CADPS2: variants seen among roughly 807,000 people sequenced by gnomAD.
CADPS2 encodes calcium dependent secretion activator 2.
Under a neutral mutation model 172.5 loss-of-function variants are expected in CADPS2, and 93 were observed. That is an observed-to-expected ratio of 0.54 (90% CI 0.46 to 0.64). The LOEUF (loss-of-function observed/expected upper bound fraction) is 0.64. Ranked by LOEUF, CADPS2 falls within the 30% of genes least tolerant of loss-of-function variation. CADPS2 has a pLI of 0.00. For synonymous variants in CADPS2, 546 were observed against 555.2 expected, an observed-to-expected ratio of 0.98 and a Z score of 0.23; for missense variants, 1,420 against 1,565.9, an observed-to-expected ratio of 0.91 and a Z score of 1.57.
chr7:122,625,236 G>A (rs1045642155), intron 4 of CADPS2, among the ~76,000 whole-genome samples: 4 of 151,932 alleles, frequency 2.6e-5, no homozygotes, highest in African/African-American at 9.7e-5. Flanking sequence ...TTTTAGTAGA[G>A]ACGGGGTTTC....
At chr7:122,346,366 TCAAA>T (rs986057564) in intron 27 of CADPS2, among the ~76,000 whole-genome samples, 7 of 152,136 alleles carry the variant, frequency 4.6e-5, no homozygotes, top group African/African-American at 1.4e-4. Context: ...AGACCCTGTC[TCAAA>T]CAAACAAATG....
chr7:122,737,318 G>A (rs912693870), intron 1 of CADPS2, among the ~76,000 whole-genome samples: 4 of 152,196 alleles, frequency 2.6e-5, no homozygotes, highest in South Asian at 4.1e-4. Flanking sequence ...TCCACCTCCC[G>A]GGTTCAAGCG....
intron 1 of CADPS2, among the ~76,000 whole-genome samples, chr7:122,823,919 A>G (rs1476720218): frequency 1.3e-5 from 2 of 152,000 alleles, no homozygotes; most frequent in Admixed American, 6.6e-5. Flanking sequence ...AAAAAAGCTC[A>G]CTGGGAGTTC....
intron 14 of CADPS2, among the ~76,000 whole-genome samples, chr7:122,469,093 T>G (rs1246418780): frequency 6.6e-6 from 1 of 152,152 alleles, no homozygotes; most frequent in Non-Finnish European, 1.5e-5. Flanking sequence ...AGTATCGTTA[T>G]AAAGAAAACA....
chr7:122,736,969 G>C lies in CADPS2; in HGVS notation c.439C>G (p.Arg147Gly), dbSNP rs753686489. The C allele has an allele frequency of 8.1e-6, 13 of 1,602,924 alleles. No individual in the cohort carries two copies. Among genetic ancestry groups the C allele is most frequent in the Non-Finnish European group, 1.1e-5 (13 of 1,170,254 alleles). Reference sequence around the variant, plus strand: ...TTCAAACTTACCTCATAATAACTCCGAACTGCGTTGCAAAATGCTTCGTCA... The same window carrying C: ...TTCAAACTTACCTCATAATAACTCCCAACTGCGTTGCAAAATGCTTCGTCA... ...VADEAFCNAV[R>G]SYYEVFLKSD... is the part of the protein sequence containing the mutation. Residue 147 changes from arginine (R) to glycine (G), a missense_variant, in exon 2 of 30, where the codon CGG becomes GGG. Physicochemically the swap from Arg to Gly is moderately radical, Grantham distance 125. Transcript: ENST00000449022.
At chr7:122,597,468 G>A (rs760121261) in intron 6 of CADPS2, among the ~76,000 whole-genome samples, 18 of 151,988 alleles carry the variant, frequency 1.2e-4, no homozygotes, top group Non-Finnish European at 2.4e-4. Flanking sequence ...TTAGCAGGTG[G>A]GACCTCTGCA....
chr7:122,842,167 G>A (rs546007035), intron 1 of CADPS2, among the ~76,000 whole-genome samples: 4 of 152,184 alleles, frequency 2.6e-5, no homozygotes, highest in Non-Finnish European at 5.9e-5. Context: ...CCCCTGCAAG[G>A]GAAGAGCCAG....
intron 11 of CADPS2, among the ~76,000 whole-genome samples, chr7:122,489,765 G>T (rs1013590393): frequency 6.6e-6 from 1 of 152,058 alleles, no homozygotes; most frequent in African/African-American, 2.4e-5. Context: ...ATCTATAGGA[G>T]ACTTAAGTCA....
At chr7:122,417,916 C>A (rs2048111417) in intron 17 of CADPS2, among the ~76,000 whole-genome samples, 1 of 152,030 alleles carries the variant, frequency 6.6e-6, no homozygotes, top group Non-Finnish European at 1.5e-5. Flanking sequence ...TAATAACAAC[C>A]ATTAGAAATG....
intron 28 of CADPS2, among the ~76,000 whole-genome samples, chr7:122,342,135 A>C (rs999245716): frequency 6.6e-6 from 1 of 152,188 alleles, no homozygotes; most frequent in Admixed American, 6.5e-5. Context: ...CTTTAAGGTA[A>C]TGCAGATTTT....
chr7:122,630,452 C>A (rs574991354), intron 3 of CADPS2, among the ~76,000 whole-genome samples: 1 of 151,828 alleles, frequency 6.6e-6, no homozygotes, highest in South Asian at 2.1e-4. Flanking sequence ...AAACTAGACA[C>A]ACACAGTGGT....
chr7:122,377,710 TC>T (rs1348813569), intron 25 of CADPS2, among the ~76,000 whole-genome samples: 1 of 152,130 alleles, frequency 6.6e-6, no homozygotes, highest in African/African-American at 2.4e-5. Flanking sequence ...AACTTGATTC[TC>T]CAGTAGTTCA....
rs2033193694 is a variant in CADPS2 at position 122,323,876 on chromosome 7, TATATATATATATA to T, written c.3717+1588_3717+1600del. Among the ~76,000 whole-genome samples the T allele has an allele frequency of 3.2e-3, 56 of 17,776 alleles. 1 individual carries two copies. In the South Asian group the frequency reaches 0.062, roughly 20 times the overall value. The allele number at this position is 17,776 out of a possible 152,430, so 11.7% of individuals were successfully genotyped here. On this transcript the variant is annotated intron_variant, in intron 29 of 29. Coordinates refer to ENST00000449022, the MANE Select transcript of CADPS2 (RefSeq NM_017954.11). ...ATATTATATACATATGTATATTTTATATATATATATATATATATATATATATATATATATATAT... is the reference window on the plus strand; with the variant it reads ...ATATTATATACATATGTATATTTTATTATATATATATATATATATATATAT...
chr7:122,448,561 T>C (rs934867358), intron 15 of CADPS2, among the ~76,000 whole-genome samples: 1 of 152,164 alleles, frequency 6.6e-6, no homozygotes, highest in Non-Finnish European at 1.5e-5. Flanking sequence ...ACAAAATGAA[T>C]ACAATAAATG....
intron 19 of CADPS2, among the ~76,000 whole-genome samples, chr7:122,408,542 A>G: frequency 6.6e-6 from 1 of 152,114 alleles, no homozygotes; most frequent in East Asian, 1.9e-4. Context: ...CTCATCCCTC[A>G]GCCACCCAAG....
At chr7:122,662,248 T>C (rs1291649267) in intron 3 of CADPS2, among the ~76,000 whole-genome samples, 3 of 152,152 alleles carry the variant, frequency 2.0e-5, no homozygotes, top group South Asian at 4.1e-4. Context: ...TATTAGGGCA[T>C]AGTTAAATAA....
At chr7:122,740,096 A>G (rs2092385064) in intron 1 of CADPS2, among the ~76,000 whole-genome samples, 1 of 152,310 alleles carries the variant, frequency 6.6e-6, no homozygotes, top group South Asian at 2.1e-4. Flanking sequence ...GCTGGCAAGG[A>G]TATAGACCAC....
chr7:122,857,236 G>T (rs1584963702), intron 1 of CADPS2, among the ~76,000 whole-genome samples: 1 of 152,074 alleles, frequency 6.6e-6, no homozygotes, highest in East Asian at 1.9e-4. Flanking sequence ...CATTATTATG[G>T]CTGGTCATAT....
At position 122,416,159 on chromosome 7, in the gene CADPS2, T is replaced by C. The variant is rs114565334; in HGVS notation, c.2482A>G (p.Met828Val). The change falls in exon 18 of 30, where the codon ATG becomes GTG. Residue 828 changes from methionine to valine, a missense_variant. By Grantham distance (21) the Met-to-Val change is conservative (BLOSUM62 1). Transcript: ENST00000449022. ...LTEYAKIEETMNQASPARKLE... is the reference protein window; with the variant it reads ...LTEYAKIEETVNQASPARKLE... ...TTTCTAGCAGGAGATGCCTGGTTCA[T>C]GGTCTCTATATGAAAAAAAATCATA... The C allele has an allele frequency of 7.3e-4, 1,121 of 1,534,644 alleles. 7 individuals are homozygous for C. The African/African-American group carries it at 0.014, about 19-fold the overall frequency.
Sources: allele counts gnomAD v4.1 joint callset (sites outside exome capture counted in the v4.1 genomes callset), GRCh38; gene constraint gnomAD v4.1.1; transcripts MANE v1.5; gene names NCBI Gene and HGNC (gene_info 2026-07-23, HGNC 2026-07-21).